Variants in EGFR observed in about 807,000 individuals in gnomAD.
EGFR encodes epidermal growth factor receptor, also known as avian erythroblastic leukemia viral (v-erb-b) oncogene homolog.
In EGFR, 58 loss-of-function variants were observed where a neutral mutation model predicts 143.0. That is an observed-to-expected ratio of 0.41 (90% CI 0.33 to 0.50). The LOEUF is 0.50. EGFR is among the 20% of genes least tolerant of loss of function. The pLI, the probability that EGFR is intolerant of heterozygous loss-of-function variation, is 0.39. For synonymous variants in EGFR, 613 were observed against 594.4 expected (o/e 1.03, Z -0.45); for missense variants, 1,307 against 1,579.0 (o/e 0.83, Z 2.92).
chr7:55,051,108 G>T (rs1018313457), intron 1 of EGFR, among the ~76,000 whole-genome samples: 3 of 152,226 alleles, frequency 2.0e-5, no homozygotes, highest in Non-Finnish European at 4.4e-5. Flanking sequence ...TGGCCCATGG[G>T]AGAGCTGTTG....
At chr7:55,177,887 C>T (rs181885447) in intron 19 of EGFR, among the ~76,000 whole-genome samples, 68 of 152,336 alleles carry the variant, frequency 4.5e-4, no homozygotes, top group African/African-American at 1.6e-3. Flanking sequence ...GACAAACAGC[C>T]GAGAACAAAG....
intron 1 of EGFR, among the ~76,000 whole-genome samples, chr7:55,092,344 A>G (rs1160073870): frequency 1.3e-5 from 2 of 152,168 alleles, no homozygotes; most frequent in African/African-American, 4.8e-5. Context: ...CAGGTTGAAC[A>G]TTTGCCTTAA....
intron 1 of EGFR, among the ~76,000 whole-genome samples, chr7:55,137,294 C>T (rs1419540135): frequency 6.6e-6 from 1 of 152,180 alleles, no homozygotes; most frequent in Admixed American, 6.5e-5. Flanking sequence ...GCCTTTAATG[C>T]ATAGCTAAGA....
intron 1 of EGFR, among the ~76,000 whole-genome samples, chr7:55,127,674 C>T (rs1390556584): frequency 6.6e-6 from 1 of 152,172 alleles, no homozygotes; most frequent in Non-Finnish European, 1.5e-5. Flanking sequence ...GCCGCCAACA[C>T]CCCCCTTATA....
chr7:55,083,853 T>C (rs146230507), intron 1 of EGFR, among the ~76,000 whole-genome samples: 3 of 152,340 alleles, frequency 2.0e-5, no homozygotes, highest in Non-Finnish European at 4.4e-5. Flanking sequence ...ATCCTGGGAA[T>C]GATTGGCCAG....
At chr7:55,089,322 C>T (rs1391740286) in intron 1 of EGFR, among the ~76,000 whole-genome samples, 1 of 152,200 alleles carries the variant, frequency 6.6e-6, no homozygotes, top group African/African-American at 2.4e-5. Context: ...TTCATACGTA[C>T]TTCTCTGTGC....
intron 1 of EGFR, among the ~76,000 whole-genome samples, chr7:55,023,514 G>A (rs1786695024): frequency 6.6e-6 from 1 of 152,020 alleles, no homozygotes; most frequent in Admixed American, 6.6e-5. Context: ...AGCTGGGCGT[G>A]GTGGCAGGTG....
chr7:55,109,443 T>C (rs1464851895), intron 1 of EGFR, among the ~76,000 whole-genome samples: 2 of 152,208 alleles, frequency 1.3e-5, no homozygotes, highest in East Asian at 3.9e-4. Flanking sequence ...TGTGGCCTCA[T>C]GGCCCTCTCC....
Position 55,211,597 on chromosome 7 carries a change from TATAATA to T in EGFR, c.*5989_*5994del, listed in dbSNP as rs3065295. 6.6e-6 allele frequency: 1 copy of T among 152,020 alleles called. No homozygotes were observed. Among genetic ancestry groups the T allele is most frequent in the South Asian group, 2.1e-4 (1 of 4,820 alleles). 9.4% of individuals were successfully genotyped at this position (152,020 alleles called of 1,614,324 possible). A position where few individuals can be genotyped will look rare whatever the true frequency, so the allele number is the denominator to read the frequency against. ...CATTGTTCTTTACTCCTGAGTACCT[TATAATA>T]ATAATAATGTATTCTTTGTTAACAA... On this transcript the variant is annotated 3_prime_UTR_variant, in exon 28 of 28. Coordinates refer to ENST00000275493, the MANE Select transcript of EGFR (RefSeq NM_005228.5).
At chr7:55,044,084 A>G (rs978912112) in intron 1 of EGFR, 1 of 152,196 alleles carries the variant, frequency 6.6e-6, no homozygotes, top group Non-Finnish European at 1.5e-5. Flanking sequence ...TCACTGCTGT[A>G]GAAACAACAT....
chr7:55,031,774 G>T (rs1787262681), intron 1 of EGFR, among the ~76,000 whole-genome samples: 1 of 152,216 alleles, frequency 6.6e-6, no homozygotes. Flanking sequence ...TGAGAATTGG[G>T]TGCTAAGGCA....
At chr7:55,051,133 T>G (rs1788466773) in intron 1 of EGFR, among the ~76,000 whole-genome samples, 2 of 152,218 alleles carry the variant, frequency 1.3e-5, no homozygotes, top group Non-Finnish European at 2.9e-5. Context: ...GGCATACTTT[T>G]GCAGATTCCA....
chr7:55,078,296 C>T (rs1398270531), intron 1 of EGFR, among the ~76,000 whole-genome samples: 1 of 152,104 alleles, frequency 6.6e-6, no homozygotes, highest in East Asian at 1.9e-4. Flanking sequence ...CTGGGACACC[C>T]CCCACCCCAC....
Position 55,206,574 on chromosome 7 carries a change from A to T in EGFR, c.*957A>T, listed in dbSNP as rs1161961485. The T allele has an allele frequency of 4.3e-6, 1 of 233,210 alleles. No homozygotes were observed. Among genetic ancestry groups the T allele is most frequent in the Non-Finnish European group, 8.5e-6 (1 of 118,076 alleles). The allele number at this position is 233,210 out of a possible 1,614,324, so 14.4% of individuals were successfully genotyped here. A position where few individuals can be genotyped will look rare whatever the true frequency, so the allele number is the denominator to read the frequency against. On this transcript the variant is annotated 3_prime_UTR_variant, in exon 28 of 28. Transcript: ENST00000275493. ...ACGTATCTCCTAATTTGAGGCTCAG[A>T]TGAAATGCATCAGGTCCTTTGGGGC... is the stretch of plus-strand genomic sequence containing the variant.
At chr7:55,071,951 T>C (rs555019573) in intron 1 of EGFR, among the ~76,000 whole-genome samples, 2 of 152,268 alleles carry the variant, frequency 1.3e-5, no homozygotes, top group African/African-American at 4.8e-5. Flanking sequence ...AGACAGCCAA[T>C]ATTGCAGCAC....
chr7:55,084,789 A>G (rs1242382511), intron 1 of EGFR, among the ~76,000 whole-genome samples: 2 of 152,218 alleles, frequency 1.3e-5, no homozygotes, highest in Non-Finnish European at 2.9e-5. Context: ...AAGGGCTTTT[A>G]TTAGGAAGAG....
chr7:55,036,172 G>C (rs942331786), intron 1 of EGFR, among the ~76,000 whole-genome samples: 2 of 149,234 alleles, frequency 1.3e-5, no homozygotes, highest in South Asian at 2.1e-4. Context: ...CCACTGATTC[G>C]TTGAACAAAC....
At chr7:55,167,948 A>G (rs780120796) in intron 15 of EGFR, among the ~76,000 whole-genome samples, 1 of 152,158 alleles carries the variant, frequency 6.6e-6, no homozygotes, top group Non-Finnish European at 1.5e-5. Context: ...AGCGTGAAAA[A>G]CAACATTTGC....
intron 1 of EGFR, among the ~76,000 whole-genome samples, chr7:55,089,970 ATT>A (rs1791009053): frequency 6.6e-6 from 1 of 150,856 alleles, no homozygotes; most frequent in South Asian, 2.1e-4. Context: ...TTATTTATTT[ATT>A]TATTTATTTA....
Sources: gnomAD v4.1 joint callset for allele counts (sites outside exome capture counted in the v4.1 genomes callset) on GRCh38, gnomAD v4.1.1 for gene constraint, MANE v1.5 for transcripts, NCBI Gene and HGNC (gene_info 2026-07-23, HGNC 2026-07-21) for gene names.